Variants in CHST8 observed in about 807,000 individuals in gnomAD.
CHST8 encodes carbohydrate sulfotransferase 8.
In CHST8, 10 loss-of-function variants were observed where a neutral mutation model predicts 15.0. The observed-to-expected ratio is 0.67, with a 90% confidence interval of 0.41 to 1.13. The LOEUF (loss-of-function observed/expected upper bound fraction) is 1.13, where lower values mean the gene tolerates loss of function less well. Ranked by LOEUF, CHST8 falls within the 50% of genes most tolerant of loss-of-function variation. CHST8 has a pLI of 0.00. For synonymous variants in CHST8, 259 were observed against 256.6 expected, an observed-to-expected ratio of 1.01 and a Z score of -0.09; for missense variants, 634 against 608.2, an observed-to-expected ratio of 1.04 and a Z score of -0.45.
At position 33,737,036 on chromosome 19, in the gene CHST8, T is replaced by TTACA. The variant is rs371465409; in HGVS notation, c.131-34376_131-34373dup. On this transcript the variant is annotated intron_variant, in intron 3 of 4. Transcript: ENST00000650847. Reference sequence around the variant, plus strand: ...ACATACCCACCAGCACCATGACAGTTTACAGATGCCATGGCAACTCCTGGA... The same window carrying TTACA: ...ACATACCCACCAGCACCATGACAGTTTACATACAGATGCCATGGCAACTCCTGGA... Among the ~76,000 whole-genome samples, 125 of 152,276 alleles carry TTACA rather than the reference T, an allele frequency of 8.2e-4. 1 individual carries two copies. The highest frequency in any genetic ancestry group is 2.9e-3 in the African/African-American group (122 of 41,548).
intron 3 of CHST8, among the ~76,000 whole-genome samples, chr19:33,747,361 CA>C (rs1463870317): frequency 6.6e-6 from 1 of 152,184 alleles, no homozygotes; most frequent in East Asian, 1.9e-4. Flanking sequence ...TGGAAGGCGA[CA>C]CCTTCCCCCT....
chr19:33,665,381 T>A (rs1046178218), intron 1 of CHST8, among the ~76,000 whole-genome samples: 2 of 152,196 alleles, frequency 1.3e-5, no homozygotes, highest in Non-Finnish European at 2.9e-5. Flanking sequence ...ACTGTGGAAG[T>A]CACTCAATTG....
At position 33,664,448 on chromosome 19, in the gene CHST8, CCT is replaced by C. The variant is rs1385469681; in HGVS notation, c.-163-3317_-163-3316del. Among the ~76,000 whole-genome samples, 378 of 114,334 alleles carry C rather than the reference CCT, an allele frequency of 3.3e-3. 2 individuals are homozygous for C. Among genetic ancestry groups the C allele is most frequent in the African/African-American group, 0.013 (359 of 27,734 alleles). The allele number at this position is 114,334 out of a possible 152,430, so 75.0% of individuals were successfully genotyped here. ...TATCCCTCCCCCCTCCCCCCTCCCC[CCT>C]CCCCACAACAGGCCCCAGAGTGTGA... On this transcript the variant is annotated intron_variant, in intron 1 of 4. Transcript: ENST00000650847.
At chr19:33,686,743 C>T (rs986157772) in intron 2 of CHST8, among the ~76,000 whole-genome samples, 3 of 152,220 alleles carry the variant, frequency 2.0e-5, no homozygotes, top group Non-Finnish European at 2.9e-5. Flanking sequence ...AGCGCACCCA[C>T]ACCGTGGCCA....
chr19:33,757,834 T>C (rs1040853356), intron 3 of CHST8, among the ~76,000 whole-genome samples: 2 of 151,972 alleles, frequency 1.3e-5, no homozygotes, highest in African/African-American at 2.4e-5. Context: ...TGGGATTCCA[T>C]GTGTGCACCA....
At chr19:33,690,068 G>T (rs535516878) in intron 3 of CHST8, among the ~76,000 whole-genome samples, 1 of 152,134 alleles carries the variant, frequency 6.6e-6, no homozygotes. Flanking sequence ...CCCATCCCCA[G>T]AGATATGGAA....
intron 2 of CHST8, among the ~76,000 whole-genome samples, chr19:33,676,576 A>ATAC (rs1184121186): frequency 6.6e-6 from 1 of 151,802 alleles, no homozygotes; most frequent in African/African-American, 2.4e-5. Context: ...TCTCAATATA[A>ATAC]TAATAATAAT....
intron 3 of CHST8, among the ~76,000 whole-genome samples, chr19:33,698,574 G>A (rs2041727): frequency 0.21 from 31,115 of 151,762 alleles, 3,750 homozygotes; most frequent in African/African-American, 0.34. Context: ...TGAGGAGGGC[G>A]GGGAGGGCAG....
At chr19:33,673,306 T>C (rs1474038204) in intron 2 of CHST8, among the ~76,000 whole-genome samples, 1 of 152,128 alleles carries the variant, frequency 6.6e-6, no homozygotes, top group Non-Finnish European at 1.5e-5. Flanking sequence ...GAATATTCAT[T>C]TGGAAATGTC....
Position 33,698,800 on chromosome 19 carries a change from G to A in CHST8, c.130+9409G>A, listed in dbSNP as rs143210401. 9.0e-3 allele frequency among the ~76,000 whole-genome samples: 1,365 copies of A among 152,222 alleles called. 12 individuals carry two copies. Among genetic ancestry groups the A allele is most frequent in the Middle Eastern group, 0.044 (13 of 294 alleles). ...CGAGGGGTGTCCAGCCCCACAGAAT[G>A]AAGGACCAGGCAAGACAGGCAGGAA... is the stretch of plus-strand genomic sequence containing the variant. On this transcript the variant is annotated intron_variant, in intron 3 of 4. Transcript: ENST00000650847.
chr19:33,677,038 C>T, intron 2 of CHST8, among the ~76,000 whole-genome samples: 1 of 152,188 alleles, frequency 6.6e-6, no homozygotes, highest in East Asian at 1.9e-4. Context: ...CAAACAGCTG[C>T]TCACTAGAGA....
rs1300973529 is a variant in CHST8, at chr19:33,772,786, G to A, written c.998G>A (p.Arg333Gln). The change falls in exon 5 of 5, where the codon CGG becomes CAG. Residue 333 changes from arginine (R) to glutamine (Q), a missense_variant. By Grantham distance (43) the Arg-to-Gln change is conservative. Coordinates refer to ENST00000650847, the MANE Select transcript of CHST8 (RefSeq NM_001127895.2). ...GACATTCACTGGGACCATGTCAGCC[G>A]GCTCTGCAGCCCCTGCCTCATCGAC... The part of the protein sequence containing the change: ...GMDIHWDHVS[R>Q]LCSPCLIDYD... 1.9e-6 allele frequency: 3 copies of A among 1,613,418 alleles called. No individual in the cohort carries two copies. The highest frequency in any genetic ancestry group is 1.7e-5 in the Admixed American group (1 of 60,024).
intron 1 of CHST8, among the ~76,000 whole-genome samples, chr19:33,633,676 G>T (rs1319082615): frequency 2.6e-5 from 4 of 151,990 alleles, no homozygotes; most frequent in Non-Finnish European, 5.9e-5. Flanking sequence ...GGGATTACAG[G>T]TGTGTGTCAT....
intron 2 of CHST8, among the ~76,000 whole-genome samples, chr19:33,677,488 C>T (rs932555297): frequency 8.5e-5 from 13 of 152,228 alleles, no homozygotes; most frequent in Admixed American, 5.2e-4. Context: ...ATGGTGAGAC[C>T]GGCCGTGGAG....
intron 1 of CHST8, among the ~76,000 whole-genome samples, chr19:33,662,354 A>G (rs551766627): frequency 9.2e-5 from 14 of 152,314 alleles, no homozygotes; most frequent in African/African-American, 3.4e-4. Flanking sequence ...CTGGGACTAC[A>G]GGTGTGAGCC....
chr19:33,770,637 C>T (rs1186448014), intron 3 of CHST8, among the ~76,000 whole-genome samples: 1 of 152,242 alleles, frequency 6.6e-6, no homozygotes, highest in African/African-American at 2.4e-5. Context: ...CAGGCATGGG[C>T]CTCCTTGGTA....
At position 33,709,710 on chromosome 19, in the gene CHST8, A is replaced by G. The variant is rs78883989; in HGVS notation, c.130+20319A>G. ...CAGATTAATACAGGATTTAAAATGA[A>G]TTGGGAAGTATTTTTACCTCCTCCT... On this transcript the variant is annotated intron_variant, in intron 3 of 4. Transcript: ENST00000650847. Among the ~76,000 whole-genome samples, 871 of 152,254 alleles carry G rather than the reference A, an allele frequency of 5.7e-3. 6 individuals are homozygous for G. Among genetic ancestry groups the G allele is most frequent in the Middle Eastern group, 0.02 (6 of 294 alleles).
chr19:33,627,101 G>T (rs1004099376), intron 1 of CHST8, among the ~76,000 whole-genome samples: 5 of 127,070 alleles, frequency 3.9e-5, no homozygotes, highest in African/African-American at 8.6e-5. Flanking sequence ...CTTTTTTTGG[G>T]GGGGGGGCGG....
chr19:33,725,101 T>C (rs1240056848), intron 3 of CHST8, among the ~76,000 whole-genome samples: 2 of 151,972 alleles, frequency 1.3e-5, no homozygotes, highest in Non-Finnish European at 2.9e-5. Flanking sequence ...GACATGAGTG[T>C]GCGTGCACAG....
Sources: allele counts gnomAD v4.1 joint callset (sites outside exome capture counted in the v4.1 genomes callset), GRCh38; gene constraint gnomAD v4.1.1; transcripts MANE v1.5; gene names NCBI Gene and HGNC (gene_info 2026-07-23, HGNC 2026-07-21).